SLC38A6: variants seen among roughly 807,000 people sequenced by gnomAD.
SLC38A6 encodes the protein N system amino acid transporter NAT-1.
In SLC38A6, 73 loss-of-function variants were observed where a neutral mutation model predicts 65.0. The observed-to-expected ratio is 1.12, with a 90% CI of 0.93 to 1.37. SLC38A6 has a LOEUF of 1.37. SLC38A6 is among the 40% of genes most tolerant of loss of function. SLC38A6 has a pLI of 0.00. For synonymous variants in SLC38A6, 183 were observed against 178.8 expected, an observed-to-expected ratio of 1.02 and a Z score of -0.19; for missense variants, 561 against 531.1, an observed-to-expected ratio of 1.06 and a Z score of -0.55.
At chr14:61,004,291 G>C (rs932399318) in intron 3 of SLC38A6, 1 of 152,084 alleles carries the variant, frequency 6.6e-6, no homozygotes, top group Non-Finnish European at 1.5e-5. Context: ...ACATACTCCG[G>C]TTAGCCTTTT....
chr14:60,982,690 C>T, intron 2 of SLC38A6, 52 bp downstream of exon 2: 3 of 1,552,546 alleles, frequency 1.9e-6, no homozygotes, highest in Non-Finnish European at 2.6e-6. Context: ...TGATAATATA[C>T]GGAGAAGTAG....
intron 3 of SLC38A6, chr14:60,987,348 CTGG>C (rs1393530619): frequency 1.3e-5 from 2 of 153,178 alleles, no homozygotes; most frequent in African/African-American, 4.8e-5. Context: ...CATTTATTTG[CTGG>C]TGGTAAAGGG....
intron 4 of SLC38A6, among the ~76,000 whole-genome samples, chr14:61,018,308 AT>A (rs2040139172): frequency 6.6e-6 from 1 of 152,206 alleles, no homozygotes; most frequent in Admixed American, 6.5e-5. Flanking sequence ...TAACTTCGAC[AT>A]TTTGGAACTA....
intron 15 of SLC38A6, among the ~76,000 whole-genome samples, chr14:61,076,606 G>A (rs754770510): frequency 2.6e-5 from 4 of 152,174 alleles, no homozygotes; most frequent in African/African-American, 4.8e-5. Flanking sequence ...CCAACTGTTG[G>A]AGTTTTTTTC....
chr14:60,995,426 A>G (rs968627214), intron 3 of SLC38A6, among the ~76,000 whole-genome samples: 3 of 152,342 alleles, frequency 2.0e-5, no homozygotes, highest in South Asian at 2.1e-4. Context: ...TCAAATACAT[A>G]TGAACAGAGT....
intron 2 of SLC38A6, among the ~76,000 whole-genome samples, chr14:60,984,266 G>A (rs2037290536): frequency 6.6e-6 from 1 of 152,090 alleles, no homozygotes; most frequent in Non-Finnish European, 1.5e-5. Context: ...TAAATCTTAA[G>A]TACACCTTAA....
chr14:61,071,766 T>C (rs973979582), intron 15 of SLC38A6, among the ~76,000 whole-genome samples: 3 of 152,176 alleles, frequency 2.0e-5, no homozygotes, highest in Non-Finnish European at 4.4e-5. Context: ...TTTTGTGTTG[T>C]TATTTAGCTT....
intron 16 of SLC38A6, chr14:61,083,519 C>T: frequency 6.5e-7 from 1 of 1,542,374 alleles, no homozygotes; most frequent in Non-Finnish European, 8.7e-7. Context: ...GCCATTAAGC[C>T]CTAATTCAAT....
intron 15 of SLC38A6, among the ~76,000 whole-genome samples, chr14:61,074,926 A>G (rs1011558722): frequency 6.6e-6 from 1 of 152,124 alleles, no homozygotes; most frequent in African/African-American, 2.4e-5. Context: ...TGGCACAGCA[A>G]TGTGAGTTTA....
chr14:61,071,965 C>T (rs1009416541), intron 15 of SLC38A6, among the ~76,000 whole-genome samples: 2 of 152,114 alleles, frequency 1.3e-5, no homozygotes, highest in Non-Finnish European at 2.9e-5. Flanking sequence ...GTCCCCTTTG[C>T]ATGTTTGCTG....
At chr14:61,014,823 C>T (rs1459447810) in intron 3 of SLC38A6, among the ~76,000 whole-genome samples, 2 of 152,186 alleles carry the variant, frequency 1.3e-5, no homozygotes, top group Non-Finnish European at 2.9e-5. Flanking sequence ...TTAGGCTCCT[C>T]GGGGGTCAGG....
At chr14:60,995,549 A>G (rs1348147949) in intron 3 of SLC38A6, among the ~76,000 whole-genome samples, 4 of 152,174 alleles carry the variant, frequency 2.6e-5, no homozygotes, top group Non-Finnish European at 4.4e-5. Flanking sequence ...ACTATATGTA[A>G]TATTGTTTAC....
At chr14:61,083,706 C>G in exon 17 of SLC38A6, 4 of 1,547,020 alleles carry the variant, frequency 2.6e-6, no homozygotes, top group Non-Finnish European at 3.5e-6. Context: ...GAACTGTGAG[C>G]AAATAAATGA....
At chr14:61,051,490 G>T (rs1249714714) in intron 13 of SLC38A6, among the ~76,000 whole-genome samples, 1 of 151,814 alleles carries the variant, frequency 6.6e-6, no homozygotes, top group Non-Finnish European at 1.5e-5. Context: ...CATTCTTTGA[G>T]ACTTTTTTCA....
At chr14:61,055,357 A>G (rs1166943381), downstream of SLC38A6, among the ~76,000 whole-genome samples, 1 of 26,654 alleles carries the variant, frequency 3.8e-5, no homozygotes, top group Non-Finnish European at 8.2e-5. Context: ...TATGAGTGAG[A>G]ATATGCGGTG....
intron 12 of SLC38A6, among the ~76,000 whole-genome samples, chr14:61,046,423 A>T (rs2042153346): frequency 6.6e-6 from 1 of 152,238 alleles, no homozygotes; most frequent in African/African-American, 2.4e-5. Context: ...AGGCTTAGGG[A>T]CATGATTCTT....
chr14:61,020,487 A>G lies in SLC38A6; in HGVS notation c.403+907A>G, dbSNP rs967688371. Among the ~76,000 whole-genome samples, 3 of 152,170 alleles carry G rather than the reference A, an allele frequency of 2.0e-5. No individual in the cohort carries two copies. In the South Asian group the frequency reaches 6.2e-4, roughly 31 times the overall value. Reference sequence around the variant, plus strand: ...AGCTATATCACTTTAAGTATTGTTCAATCAAATTCCATCGTTAATAGGTTT... The same window carrying G: ...AGCTATATCACTTTAAGTATTGTTCGATCAAATTCCATCGTTAATAGGTTT... On this transcript the variant is annotated intron_variant, in intron 5 of 15. Transcript: ENST00000267488.
In SLC38A6 at chr14:61,028,030, G is replaced by C. The variant is rs2040707454; in HGVS notation, c.404-2415G>C. Among the ~76,000 whole-genome samples the C allele has an allele frequency of 1.3e-5, 2 of 151,886 alleles. 1 individual carries two copies. Among genetic ancestry groups the C allele is most frequent in the South Asian group, 4.2e-4 (2 of 4,806 alleles). On this transcript the variant is annotated intron_variant, in intron 5 of 15. Transcript: ENST00000267488. ...AAAATATACATGATTCTTCAGACTGGAATCTAATGAAATAGTACTCCCATT... is the reference window on the plus strand; with the variant it reads ...AAAATATACATGATTCTTCAGACTGCAATCTAATGAAATAGTACTCCCATT...
intron 15 of SLC38A6, among the ~76,000 whole-genome samples, chr14:61,066,062 C>T (rs2043009521): frequency 6.6e-6 from 1 of 152,172 alleles, no homozygotes; most frequent in African/African-American, 2.4e-5. Context: ...TACTTTACTT[C>T]CTGCAAATTT....
Sources: gnomAD v4.1 joint callset for allele counts (sites outside exome capture counted in the v4.1 genomes callset) on GRCh38, gnomAD v4.1.1 for gene constraint, MANE v1.5 for transcripts, NCBI Gene and HGNC (gene_info 2026-07-23, HGNC 2026-07-21) for gene names.